ZNF385D: variants seen among roughly 807,000 people sequenced by gnomAD.
The protein encoded by ZNF385D is zinc finger protein 659.
ZNF385D carries 15 observed loss-of-function variants against 35.8 expected under a neutral mutation model. That is an observed-to-expected ratio of 0.42 (90% CI 0.28 to 0.64). The LOEUF is 0.64. Ranked by LOEUF, ZNF385D falls within the 30% of genes least tolerant of loss-of-function variation. The probability of loss-of-function intolerance (pLI) is 0.23; values close to 1 mark genes in which losing one functional copy is unlikely to be tolerated. For synonymous variants in ZNF385D, 212 were observed against 186.8 expected, an observed-to-expected ratio of 1.13 and a Z score of -1.10; for missense variants, 474 against 494.6, an observed-to-expected ratio of 0.96 and a Z score of 0.39.
At chr3:21,789,621 TGAA>T (rs1369761274) in intron 3 of ZNF385D, among the ~76,000 whole-genome samples, 1 of 152,158 alleles carries the variant, frequency 6.6e-6, no homozygotes, top group African/African-American at 2.4e-5. Flanking sequence ...TACCTCTTTC[TGAA>T]GAATAAAGGT....
At chr3:22,366,482 A>G (rs1221741648) in intron 2 of ZNF385D, among the ~76,000 whole-genome samples, 3 of 152,290 alleles carry the variant, frequency 2.0e-5, no homozygotes, top group South Asian at 2.1e-4. Context: ...TTGATTCACA[A>G]TCTGATCAAA....
chr3:21,645,608 G>GT (rs146944275), intron 2 of ZNF385D, among the ~76,000 whole-genome samples: 16 of 152,086 alleles, frequency 1.1e-4, no homozygotes, highest in African/African-American at 3.9e-4. Context: ...TTCTACAGAT[G>GT]TTTTTTTGTG....
At chr3:22,303,566 G>T (rs1703036126) in intron 2 of ZNF385D, among the ~76,000 whole-genome samples, 1 of 152,148 alleles carries the variant, frequency 6.6e-6, no homozygotes, top group South Asian at 2.1e-4. Context: ...ATTCTATACT[G>T]CAGCTTTTTG....
intron 3 of ZNF385D, among the ~76,000 whole-genome samples, chr3:22,162,750 T>C (rs1576426349): frequency 6.6e-6 from 1 of 152,344 alleles, no homozygotes; most frequent in Admixed American, 6.5e-5. Context: ...TGCATGTTAA[T>C]ACATTTGTAT....
chr3:22,101,021 CCAAA>C (rs1241583927), intron 3 of ZNF385D, among the ~76,000 whole-genome samples: 15 of 151,804 alleles, frequency 9.9e-5, no homozygotes, highest in African/African-American at 3.6e-4. Flanking sequence ...AATGGGCTAC[CCAAA>C]CAGTTTCAAT....
intron 3 of ZNF385D, among the ~76,000 whole-genome samples, chr3:22,096,095 T>C (rs1701605386): frequency 1.3e-5 from 2 of 151,612 alleles, no homozygotes; most frequent in South Asian, 2.1e-4. Context: ...GAAGACTAAA[T>C]TGAGAACGGA....
At chr3:22,218,490 T>C (rs1698037939) in intron 2 of ZNF385D, among the ~76,000 whole-genome samples, 1 of 152,070 alleles carries the variant, frequency 6.6e-6, no homozygotes, top group Non-Finnish European at 1.5e-5. Flanking sequence ...TGTATCTATG[T>C]ACATATATAT....
intron 2 of ZNF385D, among the ~76,000 whole-genome samples, chr3:22,174,740 T>A (rs187313020): frequency 6.6e-6 from 1 of 152,124 alleles, no homozygotes; most frequent in Non-Finnish European, 1.5e-5. Context: ...GCGATAACAC[T>A]GAAATACAAC....
intron 2 of ZNF385D, among the ~76,000 whole-genome samples, chr3:22,361,846 A>G (rs920590044): frequency 1.3e-5 from 2 of 151,932 alleles, no homozygotes; most frequent in Non-Finnish European, 2.9e-5. Context: ...AGTAAGGCCT[A>G]CCCACCTAAT....
chr3:22,156,778 G>A (rs917075375), intron 3 of ZNF385D, among the ~76,000 whole-genome samples: 13 of 151,892 alleles, frequency 8.6e-5, no homozygotes, highest in Admixed American at 5.3e-4. Flanking sequence ...TTAAAGGACC[G>A]AACGCATACC....
intron 3 of ZNF385D, among the ~76,000 whole-genome samples, chr3:22,137,737 G>A (rs1576383781): frequency 6.6e-6 from 1 of 152,074 alleles, no homozygotes; most frequent in Non-Finnish European, 1.5e-5. Flanking sequence ...AAAACTGGAA[G>A]CATTCCCTTT....
chr3:22,010,248 G>A (rs1696488722), intron 3 of ZNF385D, among the ~76,000 whole-genome samples: 1 of 152,204 alleles, frequency 6.6e-6, no homozygotes, highest in Non-Finnish European at 1.5e-5. Flanking sequence ...GAATGATCAG[G>A]AGCCATTTTA....
intron 1 of ZNF385D, among the ~76,000 whole-genome samples, chr3:21,721,181 T>C (rs2068526553): frequency 1.3e-5 from 2 of 152,192 alleles, no homozygotes; most frequent in Admixed American, 6.5e-5. Context: ...TGGTTGTCTA[T>C]GAGTCCCCTA....
chr3:22,160,661 G>T (rs10513638), intron 3 of ZNF385D, among the ~76,000 whole-genome samples: 23,388 of 151,978 alleles, frequency 0.15, 1,986 homozygotes, highest in East Asian at 0.29. Context: ...CAAAGATAAG[G>T]GCAGCAATAC....
rs190665948 is a variant in ZNF385D at position 21,734,187 on chromosome 3, G to A, written c.22+16708C>T. ...GAGAGCCAACAATCTTGTGATATTA[G>A]CGAAGAGTTTGTGAAAATACTGATT... On this transcript the variant is annotated intron_variant, in intron 1 of 7. Transcript: ENST00000281523. Among the ~76,000 whole-genome samples the A allele has an allele frequency of 8.6e-4, 130 of 152,040 alleles. 3 individuals are homozygous for A. The highest frequency in any genetic ancestry group is 3.1e-3 in the African/African-American group (128 of 41,470).
At chr3:21,767,748 A>G (rs2070894667) in intron 3 of ZNF385D, among the ~76,000 whole-genome samples, 1 of 152,038 alleles carries the variant, frequency 6.6e-6, no homozygotes, top group South Asian at 2.1e-4. Flanking sequence ...ATATATTGTG[A>G]TATGAATTTA....
chr3:21,975,874 T>C (rs149957971), intron 3 of ZNF385D, among the ~76,000 whole-genome samples: 23 of 151,898 alleles, frequency 1.5e-4, no homozygotes, highest in African/African-American at 3.9e-4. Context: ...TTGAGTCATC[T>C]GATTAACTAC....
chr3:21,456,121 C>G (rs933117777), intron 4 of ZNF385D, among the ~76,000 whole-genome samples: 1 of 152,112 alleles, frequency 6.6e-6, no homozygotes, highest in East Asian at 1.9e-4. Context: ...AATAGGAACA[C>G]TTTTACACTG....
chr3:22,117,499 C>T (rs1034177391), intron 3 of ZNF385D, among the ~76,000 whole-genome samples: 1 of 151,528 alleles, frequency 6.6e-6, no homozygotes, highest in African/African-American at 2.4e-5. Flanking sequence ...TCTTGTTCAA[C>T]CAAAATTGGC....
Sources: allele counts gnomAD v4.1 joint callset (sites outside exome capture counted in the v4.1 genomes callset), GRCh38; gene constraint gnomAD v4.1.1; transcripts MANE v1.5; gene names NCBI Gene and HGNC (gene_info 2026-07-23, HGNC 2026-07-21).